POT1: variants seen among roughly 807,000 people sequenced by gnomAD.
The protein encoded by POT1 is protection of telomeres protein 1.
In POT1, 47 loss-of-function variants were observed where a neutral mutation model predicts 78.5. The ratio of observed to expected loss-of-function variants is 0.60; its 90% CI spans 0.47 to 0.76. The LOEUF is 0.76. Among genes scored for constraint, POT1 ranks in the 30% least tolerant of loss-of-function variants. The pLI, the probability that POT1 is intolerant of heterozygous loss-of-function variation, is 0.00. For missense variants in POT1, 646 were observed against 749.9 expected (o/e 0.86, Z 1.62); for synonymous variants, 259 against 260.7 (o/e 0.99, Z 0.06).
At position 124,856,921 on chromosome 7, in the gene POT1, T is replaced by C. The variant is rs1206998585; in HGVS notation, c.702+2036A>G. ...CTTCAACAGTCAGTGTTTTCTGATATGTCACAGATGTATGTGCATACATAT... is the reference window on the plus strand; with the variant it reads ...CTTCAACAGTCAGTGTTTTCTGATACGTCACAGATGTATGTGCATACATAT... On this transcript the variant is annotated intron_variant, in intron 9 of 18. Transcript: ENST00000357628. Among the ~76,000 whole-genome samples, 3 of 152,226 alleles carry C rather than the reference T, an allele frequency of 2.0e-5. 1 individual carries two copies. Among genetic ancestry groups the C allele is most frequent in the Admixed American group, 2.0e-4 (3 of 15,278 alleles).
chr7:124,891,245 T>C (rs1457358963), intron 6 of POT1, among the ~76,000 whole-genome samples: 1 of 151,770 alleles, frequency 6.6e-6, no homozygotes, highest in Non-Finnish European at 1.5e-5. Context: ...GAATTAACCC[T>C]TTTATCATTA....
At chr7:124,917,925 G>A (rs921952434) in intron 2 of POT1, among the ~76,000 whole-genome samples, 3 of 152,134 alleles carry the variant, frequency 2.0e-5, no homozygotes, top group Non-Finnish European at 4.4e-5. Flanking sequence ...GGTCCCAGGA[G>A]GTGTAGGGGA....
intron 2 of POT1, among the ~76,000 whole-genome samples, chr7:124,916,058 T>A (rs1797007491): frequency 6.6e-6 from 1 of 152,138 alleles, no homozygotes. Flanking sequence ...TGTGGACAAA[T>A]CAACAGATTA....
At position 124,842,961 on chromosome 7, in the gene POT1, G is replaced by A. The variant is rs1795066742; in HGVS notation, c.1009C>T (p.Leu337Phe). 2 of 1,549,870 alleles carry A rather than the reference G, an allele frequency of 1.3e-6. No individual in the cohort carries two copies. Among genetic ancestry groups the A allele is most frequent in the Non-Finnish European group, 8.7e-7 (1 of 1,153,310 alleles). ...CTCTCCAAATACTGATGATCTGTAA[G>A]TACTGTAAAGAATTTTTATATTCAA... ...ERCQQLSATI[L>F]TDHQYLERTP... The change falls in exon 13 of 19, where the codon CTT becomes TTT. Residue 337 changes from leucine to phenylalanine, a missense_variant and splice_region_variant. Physicochemically the swap from Leu to Phe is conservative, Grantham distance 22 (BLOSUM62 0). Coordinates refer to ENST00000357628, the MANE Select transcript of POT1 (RefSeq NM_015450.3).
At chr7:124,831,960 C>T (rs953367896) in intron 15 of POT1, among the ~76,000 whole-genome samples, 6 of 142,874 alleles carry the variant, frequency 4.2e-5, no homozygotes, top group Admixed American at 2.9e-4. Context: ...ATTGATATGG[C>T]ATTATACTAC....
intron 16 of POT1, among the ~76,000 whole-genome samples, chr7:124,828,120 C>A (rs1014146725): frequency 6.6e-6 from 1 of 152,006 alleles, no homozygotes; most frequent in Non-Finnish European, 1.5e-5. Flanking sequence ...TAACTCATTG[C>A]ATGTTAGTTT....
intron 9 of POT1, among the ~76,000 whole-genome samples, chr7:124,855,950 T>C (rs78572199): frequency 0.017 from 2,598 of 152,204 alleles, 72 homozygotes; most frequent in African/African-American, 0.059. Context: ...GACAAAAGAT[T>C]TGAAATCTCA....
intron 11 of POT1, among the ~76,000 whole-genome samples, chr7:124,847,206 G>A (rs1257470756): frequency 9.2e-5 from 14 of 152,232 alleles, no homozygotes; most frequent in Non-Finnish European, 8.8e-5. Context: ...GAAAATAGCA[G>A]AGGCTGGGGT....
intron 5 of POT1, among the ~76,000 whole-genome samples, chr7:124,894,450 G>A (rs1324674216): frequency 3.3e-5 from 5 of 151,464 alleles, no homozygotes; most frequent in Admixed American, 6.6e-5. Flanking sequence ...CCAAGTAACC[G>A]CCATTTGTTA....
At chr7:124,844,621 G>A (rs1409471192) in intron 12 of POT1, among the ~76,000 whole-genome samples, 1 of 150,282 alleles carries the variant, frequency 6.7e-6, no homozygotes, top group East Asian at 2.0e-4. Context: ...TGTAGTCCCA[G>A]CTACTCGGGA....
intron 6 of POT1, among the ~76,000 whole-genome samples, chr7:124,882,688 G>A (rs550250308): frequency 1.0e-5 from 1 of 96,806 alleles, no homozygotes; most frequent in Non-Finnish European, 2.2e-5. Context: ...TGTACCACAA[G>A]TTTTAAGAAT....
intron 11 of POT1, chr7:124,848,502 TA>T: frequency 6.5e-6 from 1 of 154,868 alleles, no homozygotes; most frequent in Non-Finnish European, 1.4e-5. Flanking sequence ...GTGTCTCTAC[TA>T]AAAATACAAA....
chr7:124,833,215 T>C (rs1794812133), intron 15 of POT1, among the ~76,000 whole-genome samples: 1 of 152,148 alleles, frequency 6.6e-6, no homozygotes. Flanking sequence ...TTTAAGTCAG[T>C]GGCATACACT....
At chr7:124,875,733 G>C (rs2116581527) in intron 6 of POT1, among the ~76,000 whole-genome samples, 1 of 152,204 alleles carries the variant, frequency 6.6e-6, no homozygotes, top group East Asian at 1.9e-4. Flanking sequence ...TCTAAAAATA[G>C]GGAGAAAATA....
intron 2 of POT1, among the ~76,000 whole-genome samples, chr7:124,921,081 A>G (rs1797137869): frequency 6.6e-6 from 1 of 152,190 alleles, no homozygotes. Flanking sequence ...TGGGTGACAG[A>G]GCAAGATCCA....
intron 15 of POT1, among the ~76,000 whole-genome samples, chr7:124,831,436 A>G (rs1794755295): frequency 6.6e-6 from 1 of 152,200 alleles, no homozygotes; most frequent in Non-Finnish European, 1.5e-5. Flanking sequence ...AATTGAAATG[A>G]AAGTTTAGGA....
intron 11 of POT1, among the ~76,000 whole-genome samples, chr7:124,848,950 A>G (rs1795238032): frequency 2.0e-5 from 3 of 152,210 alleles, no homozygotes; most frequent in Middle Eastern, 3.2e-3. Flanking sequence ...AGTAGTAGTC[A>G]TAGCATTAAG....
In POT1 at chr7:124,863,544, T is replaced by C. The variant is rs1307186321; in HGVS notation, c.352A>G (p.Thr118Ala). 1.9e-6 allele frequency: 3 copies of C among 1,613,742 alleles called. No homozygotes were observed. Among genetic ancestry groups the C allele is most frequent in the African/African-American group, 1.3e-5 (1 of 74,886 alleles). ...GTGAAGTTAAAATACTTGCTTGAAG[T>C]GCGAGGTATGATAGGGGCTCCCAAA... ...GTLGAPIIPRTSSKYFNFTTE... is the reference protein window; with the variant it reads ...GTLGAPIIPRASSKYFNFTTE... The change falls in exon 8 of 19, where the codon ACT becomes GCT. Residue 118 changes from threonine (T) to alanine (A), a missense_variant. Thr to Ala is a moderately conservative substitution (Grantham distance 58). Transcript: ENST00000357628.
At chr7:124,925,089 A>T (rs1362141910) in intron 2 of POT1, among the ~76,000 whole-genome samples, 1 of 152,104 alleles carries the variant, frequency 6.6e-6, no homozygotes, top group African/African-American at 2.4e-5. Flanking sequence ...CTCTTACTCA[A>T]TATAGTACTG....
Sources: gnomAD v4.1 joint callset for allele counts (sites outside exome capture counted in the v4.1 genomes callset) on GRCh38, gnomAD v4.1.1 for gene constraint, MANE v1.5 for transcripts, NCBI Gene and HGNC (gene_info 2026-07-23, HGNC 2026-07-21) for gene names.